The following LYRM4 variants were observed in gnomAD, a reference collection of about 807,000 sequenced individuals.
The protein encoded by LYRM4 is LYR motif containing 4, also known as LYR motif-containing protein 4.
Under a neutral mutation model 11.7 loss-of-function variants are expected in LYRM4, and 9 were observed. The ratio of observed to expected loss-of-function variants is 0.77; its 90% CI spans 0.46 to 1.34. The LOEUF (loss-of-function observed/expected upper bound fraction) is 1.34, where lower values mean the gene tolerates loss of function less well. Ranked by LOEUF, LYRM4 falls within the 40% of genes most tolerant of loss-of-function variation. LYRM4 has a pLI of 0.00. For missense variants in LYRM4, 133 were observed against 112.5 expected (o/e 1.18, Z -0.82); for synonymous variants, 42 against 40.4 (o/e 1.04, Z -0.15).
At chr6:5,066,619 C>T in the LYRM4 span, 3 of 1,203,346 alleles carry the variant, frequency 2.5e-6, no homozygotes, top group Non-Finnish European at 3.7e-6. Context: ...CTTTCAAGGG[C>T]AACCACTTTG....
At chr6:5,229,861 TAGAGGA>T (rs1763129187) in intron 1 of LYRM4, among the ~76,000 whole-genome samples, 1 of 152,210 alleles carries the variant, frequency 6.6e-6, no homozygotes, top group Non-Finnish European at 1.5e-5. Context: ...TTTCAGTCTC[TAGAGGA>T]AAAGTTTAGG....
intron 1 of LYRM4, among the ~76,000 whole-genome samples, chr6:5,242,764 CTCT>C (rs1316254928): frequency 2.8e-5 from 4 of 140,716 alleles, no homozygotes; most frequent in East Asian, 4.1e-4. Context: ...AGGATTTCTG[CTCT>C]TTTTTTTTTT....
chr6:5,053,213 G>T, the LYRM4 span, among the ~76,000 whole-genome samples: 1 of 152,046 alleles, frequency 6.6e-6, no homozygotes, highest in East Asian at 1.9e-4. Context: ...ACCAGAATGG[G>T]TTTTTATGTT....
At chr6:5,167,730 G>A (rs535909288) in intron 2 of LYRM4, among the ~76,000 whole-genome samples, 58 of 152,208 alleles carry the variant, frequency 3.8e-4, no homozygotes, top group Admixed American at 7.9e-4. Flanking sequence ...GGAAGTCCCT[G>A]TTTATTTGGG....
At chr6:5,086,639 C>T in the LYRM4 span, 1 of 1,223,162 alleles carries the variant, frequency 8.2e-7, no homozygotes, top group Non-Finnish European at 1.1e-6. Flanking sequence ...AAGGAACTTG[C>T]TGGGACGCTT....
the LYRM4 span, among the ~76,000 whole-genome samples, chr6:5,062,148 G>A: frequency 5.5e-4 from 78 of 140,578 alleles, 1 homozygote; most frequent in South Asian, 0.014. Context: ...GCAGTGGTGC[G>A]ATAATAGCTC....
intron 2 of LYRM4, among the ~76,000 whole-genome samples, chr6:5,133,838 T>A (rs568260838): frequency 4.6e-5 from 7 of 152,318 alleles, no homozygotes; most frequent in Admixed American, 3.3e-4. Context: ...TCCGTAGACA[T>A]GCAGATGAAA....
chr6:5,120,956 A>G (rs1216073373), intron 2 of LYRM4, among the ~76,000 whole-genome samples: 1 of 152,150 alleles, frequency 6.6e-6, no homozygotes, highest in African/African-American at 2.4e-5. Context: ...CTACCTGTGG[A>G]ATTTCTCATC....
chr6:5,196,292 T>C (rs1039765306), intron 2 of LYRM4, among the ~76,000 whole-genome samples: 2 of 152,158 alleles, frequency 1.3e-5, no homozygotes, highest in South Asian at 2.1e-4. Context: ...TTCACAACCA[T>C]TGCTTTTCCA....
At chr6:5,169,103 CT>C (rs1191862831) in intron 2 of LYRM4, among the ~76,000 whole-genome samples, 5 of 151,356 alleles carry the variant, frequency 3.3e-5, no homozygotes, top group African/African-American at 7.3e-5. Context: ...TCATTTTTAA[CT>C]TTTTTTTTGA....
At chr6:5,252,286 C>T (rs1764469553) in intron 1 of LYRM4, among the ~76,000 whole-genome samples, 2 of 152,284 alleles carry the variant, frequency 1.3e-5, no homozygotes, top group South Asian at 4.1e-4. Context: ...CCACGGGGAG[C>T]GAGGCGGCCT....
intron 2 of LYRM4, among the ~76,000 whole-genome samples, chr6:5,199,797 C>T (rs7739582): frequency 0.36 from 54,016 of 152,036 alleles, 10,485 homozygotes; most frequent in East Asian, 0.55. Context: ...GACATTTGGC[C>T]CAGGGTATTA....
intron 1 of LYRM4, among the ~76,000 whole-genome samples, chr6:5,259,559 T>G (rs1195133080): frequency 6.6e-6 from 1 of 151,932 alleles, no homozygotes; most frequent in Non-Finnish European, 1.5e-5. Context: ...TTAGCGTTCC[T>G]GTCCTCTGAC....
the LYRM4 span, among the ~76,000 whole-genome samples, chr6:5,050,675 G>A: frequency 6.6e-6 from 1 of 152,164 alleles, no homozygotes; most frequent in Non-Finnish European, 1.5e-5. Context: ...AAAGATCTGA[G>A]AAGACCTTAA....
chr6:5,073,467 T>A, the LYRM4 span, among the ~76,000 whole-genome samples: 5 of 148,678 alleles, frequency 3.4e-5, no homozygotes, highest in Admixed American at 2.7e-4. Context: ...ATATATATTT[T>A]TTTTCCTATT....
chr6:5,211,300 C>T (rs1256911293), intron 2 of LYRM4, among the ~76,000 whole-genome samples: 1 of 152,146 alleles, frequency 6.6e-6, no homozygotes, highest in Non-Finnish European at 1.5e-5. Flanking sequence ...TTACTAGCTT[C>T]TAATTTCACA....
At chr6:5,086,797 C>T in the LYRM4 span, 5 of 552,848 alleles carry the variant, frequency 9.0e-6, no homozygotes, top group Admixed American at 1.0e-4. Context: ...TCTTCTCGTC[C>T]GTTTGACCTT....
chr6:5,066,872 C>T, the LYRM4 span: 3 of 967,444 alleles, frequency 3.1e-6, no homozygotes, highest in Non-Finnish European at 4.7e-6. Context: ...GGTTCCTCGC[C>T]GGCAAGTGCT....
chr6:5,194,323 T>C (rs1760931234), intron 2 of LYRM4, among the ~76,000 whole-genome samples: 1 of 152,020 alleles, frequency 6.6e-6, no homozygotes, highest in African/African-American at 2.4e-5. Flanking sequence ...GAGCAGAGGG[T>C]GGCACTAGTA....
Sources: gnomAD v4.1 joint callset for allele counts (sites outside exome capture counted in the v4.1 genomes callset) on GRCh38, gnomAD v4.1.1 for gene constraint, MANE v1.5 for transcripts, NCBI Gene and HGNC (gene_info 2026-07-23, HGNC 2026-07-21) for gene names.